CXCR1: variants seen among roughly 807,000 people sequenced by gnomAD.
The protein encoded by CXCR1 is C-X-C chemokine receptor type 1.
For synonymous variants in CXCR1, 180 were observed against 184.7 expected (o/e 0.97, Z 0.21); for missense variants, 419 against 440.5 (o/e 0.95, Z 0.44).
chr2:218,164,434 G>C lies in CXCR1; in HGVS notation c.778C>G (p.Leu260Val). 2.5e-6 allele frequency: 4 copies of C among 1,614,190 alleles called. No individual in the cohort carries two copies. The South Asian group carries it at 4.4e-5, about 18-fold the overall frequency. ...ATGAGGGTGTCTGCCAGCAGGACCA[G>C]GTTGTAGGGCAGCCAGCAAAGCAGG... ...IFLLCWLPYN[L>V]VLLADTLMRT... Residue 260 changes from leucine to valine, a missense_variant, in exon 2 of 2, where the codon CTG becomes GTG. Transcript: ENST00000295683.
chr2:218,165,750 TAAC>T (rs569226967), intron 1 of CXCR1, among the ~76,000 whole-genome samples: 154 of 152,342 alleles, frequency 1.0e-3, no homozygotes, highest in Non-Finnish European at 1.8e-3. Flanking sequence ...AAGGAAGTGA[TAAC>T]AACACATTGC....
At position 218,164,698 on chromosome 2, in the gene CXCR1, A is replaced by G; in HGVS notation, c.514T>C (p.Phe172Leu). 1 of 1,614,218 alleles carries G rather than the reference A, an allele frequency of 6.2e-7. No individual in the cohort carries two copies. Among genetic ancestry groups the G allele is most frequent in the Non-Finnish European group, 8.5e-7 (1 of 1,180,032 alleles). Residue 172 changes from phenylalanine to leucine, a missense_variant, in exon 2 of 2, where the codon TTC becomes CTC. Phe to Leu is a conservative substitution (Grantham distance 22, BLOSUM62 0). Transcript: ENST00000295683. ...GLSMNLSLPF[F>L]LFRQAYHPNN... ...GGATGGTAAGCCTGGCGGAAAAGGA[A>G]GAAGGGCAGGGACAGATTCATAGAC...
At position 218,164,351 on chromosome 2, in the gene CXCR1, C is replaced by G. The variant is rs1361759450; in HGVS notation, c.861G>C (p.Leu287=). The change falls in exon 2 of 2, where the codon CTG becomes CTC. Residue 287 remains leucine, a synonymous_variant. Coordinates refer to ENST00000295683, the MANE Select transcript of CXCR1 (RefSeq NM_000634.3). ...GAAATCCCAGAATCTCAGTGGCATC[C>G]AGGGCCCGGCCGATGTTGTTGCGGC... ...CERRNNIGRA[L]DATEILGFLH... is the part of the protein sequence containing the mutation. 1 of 1,612,516 alleles carries G rather than the reference C, an allele frequency of 6.2e-7. No individual in the cohort carries two copies. Among genetic ancestry groups the G allele is most frequent in the Non-Finnish European group, 8.5e-7 (1 of 1,178,736 alleles).
chr2:218,164,576 G>T lies in CXCR1; in HGVS notation c.636C>A (p.Ile212=). 3 of 1,614,230 alleles carry T rather than the reference G, an allele frequency of 1.9e-6. No individual in the cohort carries two copies. Among genetic ancestry groups the T allele is most frequent in the Non-Finnish European group, 2.5e-6 (3 of 1,180,054 alleles). ...LRILPHTFGF[I]VPLFVMLFCY... ...AGAACAGCATGACAAACAGCGGCAC[G>T]ATGAAGCCAAAGGTGTGAGGCAGGA... The change falls in exon 2 of 2, where the codon ATC becomes ATA. Residue 212 remains isoleucine (I), a synonymous_variant. Coordinates refer to ENST00000295683, the MANE Select transcript of CXCR1 (RefSeq NM_000634.3).
chr2:218,166,498 A>G (rs1290065967), intron 1 of CXCR1, among the ~76,000 whole-genome samples: 3 of 152,168 alleles, frequency 2.0e-5, no homozygotes, highest in Admixed American at 1.3e-4. Flanking sequence ...TCGTACCCCT[A>G]TAGATTTCAG....
chr2:218,164,492 G>T lies in CXCR1; in HGVS notation c.720C>A (p.Ala240=). 1 of 1,614,224 alleles carries T rather than the reference G, an allele frequency of 6.2e-7. No individual in the cohort carries two copies. Among genetic ancestry groups the T allele is most frequent in the Non-Finnish European group, 8.5e-7 (1 of 1,180,048 alleles). ...GGACGACAGCAAAGATGACCCTCAT[G>T]GCTCGGTGCTTCTGCCCCATGTGGG... The part of the protein sequence containing the change: ...FKAHMGQKHR[A]MRVIFAVVLI... Residue 240 remains alanine (A), a synonymous_variant, in exon 2 of 2, where the codon GCC becomes GCA. Transcript: ENST00000295683.
chr2:218,165,362 A>C, intron 1 of CXCR1, 118 bp from the exon 2 acceptor site: 1 of 783,016 alleles, frequency 1.3e-6, no homozygotes, highest in Non-Finnish European at 2.1e-6. Context: ...TGGCAATGAG[A>C]GCTCTCCTTC....
In CXCR1 at chr2:218,164,281, T is replaced by C; in HGVS notation, c.931A>G (p.Asn311Asp). 1 of 1,612,040 alleles carries C rather than the reference T, an allele frequency of 6.2e-7. No individual in the cohort carries two copies. Among genetic ancestry groups the C allele is most frequent in the Non-Finnish European group, 8.5e-7 (1 of 1,178,254 alleles). The part of the protein sequence containing the change: ...NPIIYAFIGQ[N>D]FRHGFLKILA... Reference sequence around the variant, plus strand: ...ATCTTGAGGAATCCATGGCGAAAATTTTGGCCGATGAAGGCGTAGATGATG... The same window carrying C: ...ATCTTGAGGAATCCATGGCGAAAATCTTGGCCGATGAAGGCGTAGATGATG... Residue 311 changes from asparagine (N) to aspartate (D), a missense_variant, in exon 2 of 2, where the codon AAT becomes GAT. Transcript: ENST00000295683.
intron 1 of CXCR1, among the ~76,000 whole-genome samples, chr2:218,165,459 G>A (rs1387770693): frequency 6.6e-6 from 1 of 152,210 alleles, no homozygotes; most frequent in Non-Finnish European, 1.5e-5. Flanking sequence ...GCCTGAGTGT[G>A]GGGTAAGATG....
rs371028807 is a variant in CXCR1, at chr2:218,165,127, G to T, written c.85C>A (p.Pro29Thr). The change falls in exon 2 of 2, where the codon CCC becomes ACC. Residue 29 changes from proline to threonine, a missense_variant. Physicochemically the swap from Pro to Thr is conservative, Grantham distance 38. Coordinates refer to ENST00000295683, the MANE Select transcript of CXCR1 (RefSeq NM_000634.3). ...GMPPADEDYSPCMLETETLNK... is the reference protein window; with the variant it reads ...GMPPADEDYSTCMLETETLNK... ...AGTGTCTCAGTTTCTAGCATACAGGGGCTGTAATCTTCATCTGCAGGTGGC... is the reference window on the plus strand; with the variant it reads ...AGTGTCTCAGTTTCTAGCATACAGGTGCTGTAATCTTCATCTGCAGGTGGC... 11 of 1,614,184 alleles carry T rather than the reference G, an allele frequency of 6.8e-6. No individual in the cohort carries two copies. In the African/African-American group the frequency reaches 1.3e-4, roughly 20 times the overall value.
At chr2:218,165,294 C>T (rs1478454474) in intron 1 of CXCR1, 50 bp from the exon 2 acceptor site, 3 of 1,335,688 alleles carry the variant, frequency 2.2e-6, no homozygotes, top group Non-Finnish European at 3.2e-6. Context: ...GGATTCAAGG[C>T]ATTCTCATCA....
At position 218,165,041 on chromosome 2, in the gene CXCR1, G is replaced by A. The variant is rs1691259963; in HGVS notation, c.171C>T (p.Asn57=). 2 of 1,614,138 alleles carry A rather than the reference G, an allele frequency of 1.2e-6. No individual in the cohort carries two copies. Among genetic ancestry groups the A allele is most frequent in the Admixed American group, 1.7e-5 (1 of 60,008 alleles). Residue 57 remains asparagine, a synonymous_variant, in exon 2 of 2, where the codon AAC becomes AAT. Transcript: ENST00000295683. ...ATAAGATGACCAGCATCACCAGGGA[G>A]TTTCCCAGCAGGCTCAGCAGGAACA... ...ALVFLLSLLG[N]SLVMLVILYS...
In CXCR1 at chr2:218,165,097, T is replaced by C. The variant is rs1050302592; in HGVS notation, c.115A>G (p.Lys39Glu). ...PCMLETETLN[K>E]YVVIIAYALV... ...GCATAGGCGATGATCACAACATACT[T>C]GTTGAGTGTCTCAGTTTCTAGCATA... Residue 39 changes from lysine (K) to glutamate (E), a missense_variant, in exon 2 of 2, where the codon AAG (lysine) becomes GAG (glutamate). Physicochemically the swap from Lys to Glu is moderately conservative, Grantham distance 56. Coordinates refer to ENST00000295683, the MANE Select transcript of CXCR1 (RefSeq NM_000634.3). 20 of 1,614,082 alleles carry C rather than the reference T, an allele frequency of 1.2e-5. No homozygotes were observed. Among genetic ancestry groups the C allele is most frequent in the Non-Finnish European group, 1.5e-5 (18 of 1,180,036 alleles).
chr2:218,164,612 C>T lies in CXCR1; in HGVS notation c.600G>A (p.Met200Ile). The T allele has an allele frequency of 6.2e-7, 1 of 1,614,224 alleles. No homozygotes were observed. The highest frequency in any genetic ancestry group is 8.5e-7 in the Non-Finnish European group (1 of 1,180,038). The change falls in exon 2 of 2, where the codon ATG (methionine) becomes ATA (isoleucine). Residue 200 changes from methionine (M) to isoleucine (I), a missense_variant. Coordinates refer to ENST00000295683, the MANE Select transcript of CXCR1 (RefSeq NM_000634.3). ...VLGNDTAKWR[M>I]VLRILPHTFG... Reference sequence around the variant, plus strand: ...AGGTGTGAGGCAGGATCCGCAACACCATCCGCCATTTTGCTGTGTCATTTC... The same window carrying T: ...AGGTGTGAGGCAGGATCCGCAACACTATCCGCCATTTTGCTGTGTCATTTC...
chr2:218,163,539 A>G lies in CXCR1; in HGVS notation c.*620T>C. 1 of 157,308 alleles carries G rather than the reference A, an allele frequency of 6.4e-6. No individual in the cohort carries two copies. The highest frequency in any genetic ancestry group is 6.1e-5 in the Admixed American group (1 of 16,516). The allele number at this position is 157,308 out of a possible 1,614,324, so 9.7% of individuals were successfully genotyped here. A position where few individuals can be genotyped will look rare whatever the true frequency, so the allele number is the denominator to read the frequency against. ...GGGGTAAAGGGGGTTCTTGTGGCAT[A>G]GATCTGGCTTCCAAACCCTCTTTCT... is the stretch of plus-strand genomic sequence containing the variant. On this transcript the variant is annotated 3_prime_UTR_variant, in exon 2 of 2. Coordinates refer to ENST00000295683, the MANE Select transcript of CXCR1 (RefSeq NM_000634.3).
In CXCR1 at chr2:218,164,298, T is replaced by C. The variant is rs1691239448; in HGVS notation, c.914A>G (p.Tyr305Cys). The C allele has an allele frequency of 1.2e-6, 2 of 1,612,174 alleles. No homozygotes were observed. The highest frequency in any genetic ancestry group is 1.7e-6 in the Non-Finnish European group (2 of 1,178,518). The change falls in exon 2 of 2, where the codon TAC becomes TGC. Residue 305 changes from tyrosine to cysteine, a missense_variant. Transcript: ENST00000295683. ...FLHSCLNPII[Y>C]AFIGQNFRHG... The stretch of plus-strand genomic sequence containing the variant: ...GCGAAAATTTTGGCCGATGAAGGCG[T>C]AGATGATGGGGTTGAGGCAGCTATG...
chr2:218,164,688 C>A lies in CXCR1; in HGVS notation c.524G>T (p.Arg175Leu), dbSNP rs747632538. 13 of 1,614,002 alleles carry A rather than the reference C, an allele frequency of 8.1e-6. No individual in the cohort carries two copies. The highest frequency in any genetic ancestry group is 1.1e-5 in the South Asian group (1 of 91,080). The change falls in exon 2 of 2, where the codon CGC (arginine) becomes CTC (leucine). Residue 175 changes from arginine (R) to leucine (L), a missense_variant. Arg to Leu is a moderately radical substitution (Grantham distance 102). Transcript: ENST00000295683. The stretch of plus-strand genomic sequence containing the variant: ...GGAATTGTTTGGATGGTAAGCCTGG[C>A]GGAAAAGGAAGAAGGGCAGGGACAG... ...MNLSLPFFLF[R>L]QAYHPNNSSP...
chr2:218,164,563 C>G lies in CXCR1; in HGVS notation c.649G>C (p.Val217Leu). ...GTGAATCCATAGCAGAACAGCATGACAAACAGCGGCACGATGAAGCCAAAG... is the reference window on the plus strand; with the variant it reads ...GTGAATCCATAGCAGAACAGCATGAGAAACAGCGGCACGATGAAGCCAAAG... Reference protein sequence around the residue: ...HTFGFIVPLFVMLFCYGFTLR... With the variant: ...HTFGFIVPLFLMLFCYGFTLR... The change falls in exon 2 of 2, where the codon GTC becomes CTC. Residue 217 changes from valine to leucine, a missense_variant. Physicochemically the swap from Val to Leu is conservative, Grantham distance 32. Transcript: ENST00000295683. 6.2e-7 allele frequency: 1 copy of G among 1,614,198 alleles called. No individual in the cohort carries two copies. The highest frequency in any genetic ancestry group is 8.5e-7 in the Non-Finnish European group (1 of 1,180,038).
At chr2:218,165,606 C>T (rs1459214062) in intron 1 of CXCR1, among the ~76,000 whole-genome samples, 1 of 152,214 alleles carries the variant, frequency 6.6e-6, no homozygotes, top group Non-Finnish European at 1.5e-5. Flanking sequence ...CCAGGTTGGT[C>T]TTAGACATTC....
Sources: gnomAD v4.1 joint callset for allele counts (sites outside exome capture counted in the v4.1 genomes callset) on GRCh38, gnomAD v4.1.1 for gene constraint, MANE v1.5 for transcripts, NCBI Gene and HGNC (gene_info 2026-07-23, HGNC 2026-07-21) for gene names.